ARB2A: variants seen among roughly 807,000 people sequenced by gnomAD.
The protein encoded by ARB2A is ARB2 cotranscriptional regulator A.
the ARB2A span, among the ~76,000 whole-genome samples, chr5:93,671,573 A>G: frequency 7.2e-5 from 11 of 152,170 alleles, no homozygotes; most frequent in Non-Finnish European, 1.6e-4. Context: ...AATTGGAAAT[A>G]CCATCAGACT....
At chr5:94,023,508 G>A in the ARB2A span, among the ~76,000 whole-genome samples, 1 of 152,168 alleles carries the variant, frequency 6.6e-6, no homozygotes, top group Non-Finnish European at 1.5e-5. Flanking sequence ...ATGCCTGAAG[G>A]GGTGAAGTCA....
the ARB2A span, among the ~76,000 whole-genome samples, chr5:93,728,896 C>T: frequency 6.6e-6 from 1 of 152,064 alleles, no homozygotes. Context: ...ATATATTAAT[C>T]TTTAATGTTA....
the ARB2A span, among the ~76,000 whole-genome samples, chr5:93,787,012 C>T: frequency 6.6e-5 from 10 of 152,140 alleles, no homozygotes; most frequent in Admixed American, 6.5e-4. Context: ...CAAAGTCCTT[C>T]TATATAACAA....
At chr5:94,020,391 T>A in the ARB2A span, among the ~76,000 whole-genome samples, 1 of 152,126 alleles carries the variant, frequency 6.6e-6, no homozygotes, top group Non-Finnish European at 1.5e-5. Flanking sequence ...AACCTGCACG[T>A]TCTGCACATG....
the ARB2A span, among the ~76,000 whole-genome samples, chr5:93,695,465 C>A: frequency 6.6e-6 from 1 of 152,144 alleles, no homozygotes; most frequent in Non-Finnish European, 1.5e-5. Flanking sequence ...TAGAGAAATG[C>A]AAATCAAAAC....
chr5:93,709,817 C>T, the ARB2A span, among the ~76,000 whole-genome samples: 15 of 152,042 alleles, frequency 9.9e-5, no homozygotes, highest in Non-Finnish European at 2.1e-4. Context: ...TACATGTATA[C>T]ACACACATAT....
chr5:93,876,684 T>C, the ARB2A span, among the ~76,000 whole-genome samples: 1 of 151,976 alleles, frequency 6.6e-6, no homozygotes, highest in Non-Finnish European at 1.5e-5. Context: ...TACTTGAATA[T>C]ACTTGGAAAA....
the ARB2A span, among the ~76,000 whole-genome samples, chr5:93,835,559 T>G: frequency 2.0e-5 from 3 of 152,248 alleles, no homozygotes; most frequent in Admixed American, 6.5e-5. Context: ...AGTCAAAAAT[T>G]CAAGGTTTTT....
At chr5:93,740,616 G>A in the ARB2A span, 2 of 1,604,268 alleles carry the variant, frequency 1.2e-6, no homozygotes, top group East Asian at 2.2e-5. Context: ...CTGGGGCAGA[G>A]GAGTGGGCTA....
the ARB2A span, among the ~76,000 whole-genome samples, chr5:93,952,000 TCA>T: frequency 1.3e-5 from 2 of 152,122 alleles, no homozygotes; most frequent in African/African-American, 4.8e-5. Context: ...ATGATCTGTA[TCA>T]CACACACATG....
the ARB2A span, among the ~76,000 whole-genome samples, chr5:93,793,800 G>C: frequency 6.6e-6 from 1 of 152,196 alleles, no homozygotes; most frequent in Admixed American, 6.5e-5. Context: ...AGGCAAGAAT[G>C]AACAGAGAGA....
chr5:93,766,119 T>C, the ARB2A span, among the ~76,000 whole-genome samples: 5 of 152,252 alleles, frequency 3.3e-5, no homozygotes, highest in South Asian at 2.1e-4. Context: ...ATTCAGGACA[T>C]AGGCATGGGC....
the ARB2A span, among the ~76,000 whole-genome samples, chr5:93,695,423 C>T: frequency 6.6e-6 from 1 of 152,148 alleles, no homozygotes; most frequent in Non-Finnish European, 1.5e-5. Flanking sequence ...AGCCAACAAA[C>T]ATATGGAAAA....
At chr5:93,759,307 T>C in the ARB2A span, among the ~76,000 whole-genome samples, 1 of 152,160 alleles carries the variant, frequency 6.6e-6, no homozygotes, top group Non-Finnish European at 1.5e-5. Flanking sequence ...AGCAGAATTC[T>C]AACAGACATT....
the ARB2A span, among the ~76,000 whole-genome samples, chr5:94,005,518 A>G: frequency 6.6e-6 from 1 of 152,170 alleles, no homozygotes; most frequent in African/African-American, 2.4e-5. Flanking sequence ...CACTCTGTGC[A>G]TATCTACAAA....
At chr5:94,096,208 C>T in the ARB2A span, among the ~76,000 whole-genome samples, 1 of 152,316 alleles carries the variant, frequency 6.6e-6, no homozygotes, top group South Asian at 2.1e-4. Flanking sequence ...TCTAATCTAA[C>T]CATCAATCTT....
the ARB2A span, among the ~76,000 whole-genome samples, chr5:93,881,159 T>C: frequency 1.1e-4 from 17 of 151,832 alleles, no homozygotes; most frequent in African/African-American, 3.9e-4. Context: ...GGAAACTGAA[T>C]TGGCAAGTTT....
At chr5:93,898,618 T>C in the ARB2A span, among the ~76,000 whole-genome samples, 1 of 152,052 alleles carries the variant, frequency 6.6e-6, no homozygotes, top group South Asian at 2.1e-4. Flanking sequence ...ACCAAATTGC[T>C]AAGTAAAAGA....
chr5:93,830,311 G>GTGTATGTGTGTGTGTA, the ARB2A span, among the ~76,000 whole-genome samples: 405 of 82,218 alleles, frequency 4.9e-3, 2 homozygotes, highest in Middle Eastern at 0.016. Context: ...GTGTGTGTGT[G>GTGTATGTGTGTGTGTA]TATATATATA....
Sources: allele counts gnomAD v4.1 joint callset (sites outside exome capture counted in the v4.1 genomes callset), GRCh38; gene constraint gnomAD v4.1.1; transcripts MANE v1.5; gene names NCBI Gene and HGNC (gene_info 2026-07-23, HGNC 2026-07-21).